Variants in SLC9B1 observed in about 807,000 individuals in gnomAD.
SLC9B1 encodes the protein sodium/hydrogen exchanger 9B1.
SLC9B1 carries 32 observed loss-of-function variants against 51.7 expected under a neutral mutation model. The ratio of observed to expected loss-of-function variants is 0.62; its 90% CI spans 0.47 to 0.83. The LOEUF is 0.83. Among genes scored for constraint, SLC9B1 ranks in the 40% least tolerant of loss-of-function variants. The probability of loss-of-function intolerance (pLI) is 0.00; values close to 1 mark genes in which losing one functional copy is unlikely to be tolerated. For missense variants in SLC9B1, 406 were observed against 613.2 expected (o/e 0.66, Z 3.57); for synonymous variants, 145 against 212.7 (o/e 0.68, Z 2.77).
At chr4:102,886,106 A>T (rs1733897287) in intron 11 of SLC9B1, among the ~76,000 whole-genome samples, 1 of 152,194 alleles carries the variant, frequency 6.6e-6, no homozygotes, top group Non-Finnish European at 1.5e-5. Context: ...AAAGGGAATG[A>T]TCATGTTTTT....
intron 3 of SLC9B1, among the ~76,000 whole-genome samples, chr4:102,950,735 T>C (rs1279831896): frequency 1.3e-5 from 2 of 152,204 alleles, no homozygotes; most frequent in Non-Finnish European, 2.9e-5. Flanking sequence ...GGCTCATGCC[T>C]GTAATCCCAG....
At chr4:102,977,250 A>G (rs1311170507) in intron 3 of SLC9B1, among the ~76,000 whole-genome samples, 1 of 151,198 alleles carries the variant, frequency 6.6e-6, no homozygotes. Context: ...CAAGTCAAAG[A>G]TGCTTATGAG....
At chr4:102,888,824 C>T (rs1051294980) in intron 11 of SLC9B1, 5 of 152,220 alleles carry the variant, frequency 3.3e-5, no homozygotes, top group African/African-American at 1.2e-4. Context: ...CCATTTAACT[C>T]CCTTCACTGA....
chr4:102,955,839 GAGAGAGAAAGAA>G (rs1412326458), intron 3 of SLC9B1, among the ~76,000 whole-genome samples: 2 of 124,874 alleles, frequency 1.6e-5, no homozygotes, highest in Non-Finnish European at 3.4e-5. Flanking sequence ...GAAAGAAAGA[GAGAGAGAAAGAA>G]AGAAAGAAAG....
chr4:103,015,943 C>T (rs555611787), intron 1 of SLC9B1, among the ~76,000 whole-genome samples: 9 of 151,782 alleles, frequency 5.9e-5, no homozygotes, highest in African/African-American at 2.2e-4. Flanking sequence ...CCAGCCTGGC[C>T]ATGGTAAAAC....
intron 3 of SLC9B1, among the ~76,000 whole-genome samples, chr4:102,986,588 T>C (rs768749721): frequency 6.6e-6 from 1 of 152,202 alleles, no homozygotes; most frequent in Non-Finnish European, 1.5e-5. Flanking sequence ...TCCTTTTCCT[T>C]TTGATATTCC....
In SLC9B1 at chr4:102,893,101, C is replaced by T. The variant is rs1225587143; in HGVS notation, c.1333-7773G>A. On this transcript the variant is annotated intron_variant, in intron 11 of 11. Coordinates refer to the SLC9B1 transcript ENST00000394789. ...AGTTCAAGACCAGCCTGGCCAACAT[C>T]GTGAAAACTCGTCTCTACAAAAATA... Among the ~76,000 whole-genome samples, 7 of 151,254 alleles carry T rather than the reference C, an allele frequency of 4.6e-5. No individual in the cohort carries two copies. The South Asian group carries it at 1.3e-3, about 27-fold the overall frequency.
At chr4:102,904,972 A>G (rs907430030) in intron 11 of SLC9B1, among the ~76,000 whole-genome samples, 8 of 138,110 alleles carry the variant, frequency 5.8e-5, no homozygotes, top group Non-Finnish European at 1.2e-4. Flanking sequence ...CAACAGAGTG[A>G]GACTCTGTCT....
chr4:102,956,503 A>C (rs912462407), intron 3 of SLC9B1, among the ~76,000 whole-genome samples: 3 of 152,170 alleles, frequency 2.0e-5, no homozygotes, highest in African/African-American at 4.8e-5. Flanking sequence ...TCACCCACCC[A>C]CCCACAGATT....
At chr4:103,003,392 TA>T (rs138126925) in intron 1 of SLC9B1, among the ~76,000 whole-genome samples, 3,502 of 152,322 alleles carry the variant, frequency 0.023, 116 homozygotes, top group African/African-American at 0.081. Context: ...ATGAACCCTG[TA>T]ACTCAAACTT....
chr4:102,920,230 G>C (rs1357509529), intron 7 of SLC9B1, among the ~76,000 whole-genome samples: 2 of 152,182 alleles, frequency 1.3e-5, no homozygotes, highest in African/African-American at 4.8e-5. Flanking sequence ...AATATTTGCT[G>C]TTCTGCAGCC....
At chr4:102,943,506 T>TACACACACAC (rs373442152) in intron 6 of SLC9B1, among the ~76,000 whole-genome samples, 14,910 of 145,388 alleles carry the variant, frequency 0.1, 801 homozygotes, top group East Asian at 0.14. Flanking sequence ...TGTGTATGTA[T>TACACACACAC]ACACACACAC....
intron 11 of SLC9B1, among the ~76,000 whole-genome samples, chr4:102,903,336 T>C (rs1490144990): frequency 6.6e-6 from 1 of 152,206 alleles, no homozygotes; most frequent in Non-Finnish European, 1.5e-5. Flanking sequence ...TTATATTACT[T>C]GAAGGTAAGA....
chr4:102,980,466 G>A (rs1739295182), intron 3 of SLC9B1, among the ~76,000 whole-genome samples: 1 of 152,140 alleles, frequency 6.6e-6, no homozygotes, highest in Non-Finnish European at 1.5e-5. Flanking sequence ...GCTGGAAGCT[G>A]TTATCTTCAG....
At chr4:102,943,717 A>G (rs1737132231) in intron 6 of SLC9B1, among the ~76,000 whole-genome samples, 1 of 152,196 alleles carries the variant, frequency 6.6e-6, no homozygotes, top group African/African-American at 2.4e-5. Context: ...CGTAAGAATG[A>G]TACAATGGGC....
intron 3 of SLC9B1, among the ~76,000 whole-genome samples, chr4:102,972,207 A>G (rs1738800541): frequency 6.6e-6 from 1 of 152,204 alleles, no homozygotes; most frequent in African/African-American, 2.4e-5. Context: ...TTTTAGACCA[A>G]TATCCCTGAT....
chr4:102,892,186 G>A (rs1393133912), intron 11 of SLC9B1: 10 of 152,274 alleles, frequency 6.6e-5, no homozygotes, highest in Admixed American at 1.3e-4. Context: ...AGCCTCCCAA[G>A]TAGCTGAGAC....
chr4:102,921,791 A>C (rs1391989665), intron 7 of SLC9B1, among the ~76,000 whole-genome samples: 3 of 152,202 alleles, frequency 2.0e-5, no homozygotes, highest in Non-Finnish European at 4.4e-5. Flanking sequence ...CTTTAAACCA[A>C]CAAAGATCAA....
intron 11 of SLC9B1, chr4:102,891,456 A>T (rs1357815141): frequency 6.6e-6 from 1 of 152,258 alleles, no homozygotes; most frequent in Non-Finnish European, 1.5e-5. Context: ...CTCTGAGGAC[A>T]TCACTGTGAT....
Sources: allele counts gnomAD v4.1 joint callset (sites outside exome capture counted in the v4.1 genomes callset), GRCh38; gene constraint gnomAD v4.1.1; transcripts MANE v1.5; gene names NCBI Gene and HGNC (gene_info 2026-07-23, HGNC 2026-07-21).